Variants in CSMD1 observed in about 807,000 individuals in gnomAD.
The protein encoded by CSMD1 is CUB and Sushi multiple domains 1, also known as CUB and sushi domain-containing protein 1.
CSMD1 carries 213 observed loss-of-function variants against 417.5 expected under a neutral mutation model. That is an observed-to-expected ratio of 0.51 (90% confidence interval 0.46 to 0.57). CSMD1 has a LOEUF of 0.57. Among genes scored for constraint, CSMD1 ranks in the 20% least tolerant of loss-of-function variants. The pLI is 0.00. For missense variants in CSMD1, 6,923 were observed against 4,529.7 expected (o/e 1.53, Z -15.17); for synonymous variants, 2,862 against 1,736.8 (o/e 1.65, Z -16.11).
intron 3 of CSMD1, among the ~76,000 whole-genome samples, chr8:4,308,651 A>G (rs1282981213): frequency 6.6e-6 from 1 of 152,326 alleles, no homozygotes; most frequent in Admixed American, 6.5e-5. Context: ...TATTCCAAGA[A>G]CAGTTTATAA....
chr8:3,709,981 C>A (rs1801415987), intron 6 of CSMD1, among the ~76,000 whole-genome samples: 1 of 151,726 alleles, frequency 6.6e-6, no homozygotes, highest in Admixed American at 6.6e-5. Context: ...CAGCTGAAAA[C>A]CTGATTATAT....
intron 1 of CSMD1, among the ~76,000 whole-genome samples, chr8:4,724,296 T>C (rs1809264447): frequency 6.6e-6 from 1 of 152,106 alleles, no homozygotes; most frequent in South Asian, 2.1e-4. Context: ...AAATTGTGTG[T>C]AAACATAGGG....
intron 4 of CSMD1, among the ~76,000 whole-genome samples, chr8:4,020,163 C>A (rs182837046): frequency 1.3e-5 from 2 of 152,112 alleles, no homozygotes; most frequent in Non-Finnish European, 2.9e-5. Flanking sequence ...TTAATCTTTA[C>A]AACAGATTTC....
chr8:3,711,855 A>G (rs1395008985), intron 6 of CSMD1, among the ~76,000 whole-genome samples: 1 of 152,216 alleles, frequency 6.6e-6, no homozygotes, highest in Non-Finnish European at 1.5e-5. Context: ...AATAATAAAG[A>G]GCATAGAACT....
intron 3 of CSMD1, among the ~76,000 whole-genome samples, chr8:4,256,309 A>G (rs968168215): frequency 6.6e-6 from 1 of 152,192 alleles, no homozygotes; most frequent in East Asian, 1.9e-4. Flanking sequence ...ATGTACAACA[A>G]TTTTGCAGAA....
At position 3,834,997 on chromosome 8, in the gene CSMD1, G is replaced by A. The variant is rs370074150; in HGVS notation, c.819-80955C>T. Among the ~76,000 whole-genome samples, 9 of 152,242 alleles carry A rather than the reference G, an allele frequency of 5.9e-5. No homozygotes were observed. The South Asian group carries it at 1.9e-3, about 32-fold the overall frequency. On this transcript the variant is annotated intron_variant, in intron 5 of 69. Coordinates refer to ENST00000635120, the MANE Select transcript of CSMD1 (RefSeq NM_033225.6). ...CATCATCACTGGCCATCAGAGAAAT[G>A]CAAGTCAAAACCACAATGAGACACC...
chr8:3,198,939 T>G (rs1162948416), intron 33 of CSMD1, among the ~76,000 whole-genome samples: 1 of 152,176 alleles, frequency 6.6e-6, no homozygotes, highest in Admixed American at 6.5e-5. Flanking sequence ...CTTTTTATTT[T>G]TGAACACACA....
rs531343615 is a variant in CSMD1, at chr8:2,991,910, G to A, written c.8377+6101C>T. 6.6e-5 allele frequency among the ~76,000 whole-genome samples: 10 copies of A among 152,254 alleles called. No homozygotes were observed. In the East Asian group the frequency reaches 1.5e-3, roughly 24 times the overall value. ...CACAGGAAATTTCGTTTAAGAAGGTGACTACACAGCGAAAACCTGACGTTA... is the reference window on the plus strand; with the variant it reads ...CACAGGAAATTTCGTTTAAGAAGGTAACTACACAGCGAAAACCTGACGTTA... On this transcript the variant is annotated intron_variant, in intron 54 of 69. Transcript: ENST00000635120.
At chr8:2,958,710 A>G (rs772232932) in intron 62 of CSMD1, among the ~76,000 whole-genome samples, 25 of 152,340 alleles carry the variant, frequency 1.6e-4, no homozygotes, top group Non-Finnish European at 3.2e-4. Context: ...GCTTGGGACC[A>G]GATTATTTCC....
intron 49 of CSMD1, among the ~76,000 whole-genome samples, chr8:3,077,177 T>C (rs1813744700): frequency 6.6e-6 from 1 of 151,608 alleles, no homozygotes; most frequent in Admixed American, 6.6e-5. Context: ...GGGCTGGGAG[T>C]CAGGAATGCA....
At chr8:3,597,832 G>C (rs934615069) in intron 8 of CSMD1, among the ~76,000 whole-genome samples, 23 of 152,168 alleles carry the variant, frequency 1.5e-4, no homozygotes, top group African/African-American at 4.8e-4. Context: ...ACCGGGGCCT[G>C]TCGGGGGGTT....
intron 5 of CSMD1, among the ~76,000 whole-genome samples, chr8:3,954,192 T>C (rs77009260): frequency 2.0e-5 from 3 of 152,134 alleles, no homozygotes; most frequent in Non-Finnish European, 2.9e-5. Context: ...AAGAAGGAAT[T>C]TGACTGAGGG....
chr8:4,135,817 C>T (rs962551928), intron 3 of CSMD1, among the ~76,000 whole-genome samples: 1 of 152,010 alleles, frequency 6.6e-6, no homozygotes, highest in Non-Finnish European at 1.5e-5. Flanking sequence ...CATTTTTAAA[C>T]AATGGGATAG....
At chr8:4,176,178 C>G (rs888273498) in intron 3 of CSMD1, among the ~76,000 whole-genome samples, 1 of 151,910 alleles carries the variant, frequency 6.6e-6, no homozygotes. Flanking sequence ...GATCAGAAGC[C>G]CTGCAGAACC....
At chr8:4,791,693 C>G (rs1316125703) in intron 1 of CSMD1, among the ~76,000 whole-genome samples, 2 of 152,144 alleles carry the variant, frequency 1.3e-5, no homozygotes, top group Non-Finnish European at 2.9e-5. Flanking sequence ...AGGCCAGGAT[C>G]TGGTACCATT....
intron 1 of CSMD1, among the ~76,000 whole-genome samples, chr8:4,691,252 C>CT (rs1200541335): frequency 6.6e-6 from 1 of 152,140 alleles, no homozygotes; most frequent in Non-Finnish European, 1.5e-5. Context: ...GAAAGCCAAC[C>CT]TGTCAGCAGA....
intron 5 of CSMD1, among the ~76,000 whole-genome samples, chr8:3,976,980 G>A (rs956115380): frequency 6.6e-6 from 1 of 152,160 alleles, no homozygotes; most frequent in Non-Finnish European, 1.5e-5. Flanking sequence ...GAACACATAG[G>A]TATTAGTGTG....
At position 3,949,245 on chromosome 8, in the gene CSMD1, A is replaced by T. The variant is rs1585017961; in HGVS notation, c.818+48658T>A. Reference sequence around the variant, plus strand: ...CTTCTGTTAGCAATTTTGAAAAAATACAATATAATGTTATCAACTACAGCT... The same window carrying T: ...CTTCTGTTAGCAATTTTGAAAAAATTCAATATAATGTTATCAACTACAGCT... On this transcript the variant is annotated intron_variant, in intron 5 of 69. Coordinates refer to ENST00000635120, the MANE Select transcript of CSMD1 (RefSeq NM_033225.6). 2.6e-5 allele frequency among the ~76,000 whole-genome samples: 4 copies of T among 152,338 alleles called. 1 individual carries two copies.
At chr8:3,700,034 G>C (rs1318373774) in intron 7 of CSMD1, among the ~76,000 whole-genome samples, 3 of 152,122 alleles carry the variant, frequency 2.0e-5, no homozygotes, top group African/African-American at 4.8e-5. Context: ...ATTCTTAGTA[G>C]AGATCAGAGA....
Sources: gnomAD v4.1 joint callset for allele counts (sites outside exome capture counted in the v4.1 genomes callset) on GRCh38, gnomAD v4.1.1 for gene constraint, MANE v1.5 for transcripts, NCBI Gene and HGNC (gene_info 2026-07-23, HGNC 2026-07-21) for gene names.